The following SLC16A7 variants were observed in gnomAD, a reference collection of about 807,000 sequenced individuals.
The protein encoded by SLC16A7 is solute carrier family 16 member 7.
In SLC16A7, 33 loss-of-function variants were observed where a neutral mutation model predicts 34.9. The ratio of observed to expected loss-of-function variants is 0.94; its 90% CI spans 0.72 to 1.26. The LOEUF is 1.26. Ranked by LOEUF, SLC16A7 falls within the 50% of genes most tolerant of loss-of-function variation. The pLI is 0.00. For synonymous variants in SLC16A7, 201 were observed against 206.6 expected (o/e 0.97, Z 0.23); for missense variants, 573 against 578.1 (o/e 0.99, Z 0.09).
chr12:59,775,393 G>A lies in SLC16A7; in HGVS notation c.1098G>A (p.Val366=). Residue 366 remains valine, a synonymous_variant, in exon 5 of 6, where the codon GTG becomes GTA. Coordinates refer to ENST00000547379, the MANE Select transcript of SLC16A7 (RefSeq NM_001270623.2). ...TCTTTGAAACTCTCATGGACCTCGT[G>A]GGTGCACCAAGATTTTCCAGTGCCG... ...SVLFETLMDL[V]GAPRFSSAVG... 1 of 1,614,088 alleles carries A rather than the reference G, an allele frequency of 6.2e-7. No individual in the cohort carries two copies. Among genetic ancestry groups the A allele is most frequent in the Non-Finnish European group, 8.5e-7 (1 of 1,179,974 alleles).
chr12:59,705,367 G>A (rs541222428), intron 3 of SLC16A7, among the ~76,000 whole-genome samples: 1 of 152,072 alleles, frequency 6.6e-6, no homozygotes, highest in Non-Finnish European at 1.5e-5. Context: ...GCTACCTCTG[G>A]TAGAAATGCT....
intron 1 of SLC16A7, among the ~76,000 whole-genome samples, chr12:59,606,849 AATAT>A (rs201958936): frequency 6.8e-6 from 1 of 147,630 alleles, no homozygotes; most frequent in Admixed American, 6.7e-5. Flanking sequence ...TGTATGTGTG[AATAT>A]ATATATATGT....
intron 2 of SLC16A7, among the ~76,000 whole-genome samples, chr12:59,658,933 A>G (rs1261950440): frequency 6.6e-6 from 1 of 152,090 alleles, no homozygotes. Flanking sequence ...CTATAAAAAT[A>G]TGGTTAAAAT....
chr12:59,738,112 A>G (rs1256630171), intron 3 of SLC16A7, among the ~76,000 whole-genome samples: 1 of 152,170 alleles, frequency 6.6e-6, no homozygotes, highest in African/African-American at 2.4e-5. Context: ...TAAAAAATGT[A>G]TTCACATCAA....
intron 2 of SLC16A7, among the ~76,000 whole-genome samples, chr12:59,655,631 A>G (rs1326297703): frequency 6.6e-6 from 1 of 151,922 alleles, no homozygotes. Flanking sequence ...CTAGAGGTAT[A>G]TACTTTTAGT....
At position 59,779,611 on chromosome 12, in the gene SLC16A7, TCGGAAGATGTTAA is replaced by T; in HGVS notation, c.1372_1384del (p.Glu458SerfsTer9). ...TGAACCCTTGAGCAAATCTAAACATTCGGAAGATGTTAACGTCAAAGTTTCAAATGCACAGAGT... is the reference window on the plus strand; with the variant it reads ...TGAACCCTTGAGCAAATCTAAACATTCGTCAAAGTTTCAAATGCACAGAGT... On this transcript the variant is annotated frameshift_variant, in exon 6 of 6. Transcript: ENST00000547379. LOFTEE classifies it high-confidence loss of function. The T allele has an allele frequency of 6.2e-7, 1 of 1,611,254 alleles. No homozygotes were observed. Among genetic ancestry groups the T allele is most frequent in the Non-Finnish European group, 8.5e-7 (1 of 1,177,816 alleles).
In SLC16A7 at chr12:59,616,611, C is replaced by G. The variant is rs146165959; in HGVS notation, c.-130+20375C>G. On this transcript the variant is annotated intron_variant, in intron 1 of 5. Coordinates refer to ENST00000547379, the MANE Select transcript of SLC16A7 (RefSeq NM_001270623.2). ...CATCGCCTTAGGATTTTGCTTGACT[C>G]AATTCCTTAGTTATTCAAGTGTCTC... Among the ~76,000 whole-genome samples the G allele has an allele frequency of 2.1e-3, 325 of 152,206 alleles. 1 individual carries two copies. Among genetic ancestry groups the G allele is most frequent in the Middle Eastern group, 0.017 (5 of 294 alleles).
At chr12:59,668,222 C>T (rs1392041661) in intron 2 of SLC16A7, among the ~76,000 whole-genome samples, 1 of 152,136 alleles carries the variant, frequency 6.6e-6, no homozygotes, top group Non-Finnish European at 1.5e-5. Flanking sequence ...GGGCCACCAT[C>T]CTTCAGACTG....
intron 2 of SLC16A7, chr12:59,664,727 A>G (rs1385538352): frequency 6.6e-6 from 1 of 152,178 alleles, no homozygotes. Context: ...TTAGACTCTG[A>G]AAAGTATGAA....
rs1282378257 is a variant in SLC16A7 at position 59,783,850 on chromosome 12, GT to G, written c.*4175del. 1 of 151,754 alleles carries G rather than the reference GT, an allele frequency of 6.6e-6. No individual in the cohort carries two copies. The highest frequency in any genetic ancestry group is 2.4e-5 in the African/African-American group (1 of 41,276). 9.4% of individuals were successfully genotyped at this position (151,754 alleles called of 1,614,324 possible). On this transcript the variant is annotated 3_prime_UTR_variant, in exon 6 of 6. Coordinates refer to ENST00000547379, the MANE Select transcript of SLC16A7 (RefSeq NM_001270623.2). Reference sequence around the variant, plus strand: ...GGCTTTTTTTGTTTTGTTTTGTTTTGTTTTGTTTTAGTAGAGATGGGGTTTC... The same window carrying G: ...GGCTTTTTTTGTTTTGTTTTGTTTTGTTTGTTTTAGTAGAGATGGGGTTTC...
chr12:59,772,108 C>G (rs1882291498), intron 4 of SLC16A7, among the ~76,000 whole-genome samples: 1 of 151,992 alleles, frequency 6.6e-6, no homozygotes, highest in Non-Finnish European at 1.5e-5. Context: ...AATTGGACTT[C>G]AATATATAAA....
rs866196118 is a variant in SLC16A7, at chr12:59,764,745, G to C, written c.218-6474G>C. On this transcript the variant is annotated intron_variant, in intron 3 of 5. Transcript: ENST00000547379. ...TCCAGTCTATCATTGTTGGACATTT[G>C]GGTTGGTTCCAAGTCTTTGCTATTG... 1.1e-4 allele frequency among the ~76,000 whole-genome samples: 16 copies of C among 152,116 alleles called. No homozygotes were observed. In the Middle Eastern group the frequency reaches 0.014, roughly 129 times the overall value.
intron 3 of SLC16A7, among the ~76,000 whole-genome samples, chr12:59,741,859 G>A (rs1333862430): frequency 1.3e-5 from 2 of 152,122 alleles, no homozygotes; most frequent in African/African-American, 2.4e-5. Flanking sequence ...AATCCATCTG[G>A]GTCTGCAGCA....
intron 1 of SLC16A7, among the ~76,000 whole-genome samples, chr12:59,653,947 A>G (rs1868405127): frequency 6.6e-6 from 1 of 151,678 alleles, no homozygotes; most frequent in Non-Finnish European, 1.5e-5. Context: ...ATTACATCTC[A>G]AAGTTGATTA....
intron 2 of SLC16A7, among the ~76,000 whole-genome samples, chr12:59,691,208 A>G (rs1272397342): frequency 5.3e-5 from 8 of 152,046 alleles, no homozygotes; most frequent in Non-Finnish European, 1.0e-4. Context: ...GAAGCTGAGG[A>G]AAAATTAATA....
intron 1 of SLC16A7, among the ~76,000 whole-genome samples, chr12:59,633,074 T>C (rs995002202): frequency 6.6e-5 from 10 of 152,030 alleles, no homozygotes; most frequent in Non-Finnish European, 1.5e-5. Flanking sequence ...GGGGTGGATA[T>C]GACAAGATTT....
intron 3 of SLC16A7, chr12:59,720,018 T>C: frequency 1.0e-5 from 7 of 678,282 alleles, no homozygotes; most frequent in Admixed American, 2.3e-5. Flanking sequence ...TCTCATGTTT[T>C]TGTAAACTTT....
intron 1 of SLC16A7, among the ~76,000 whole-genome samples, chr12:59,646,612 A>G (rs1868253851): frequency 6.6e-6 from 1 of 152,156 alleles, no homozygotes; most frequent in South Asian, 2.1e-4. Context: ...CTCCCCACAG[A>G]GACCCCACAG....
intron 3 of SLC16A7, among the ~76,000 whole-genome samples, chr12:59,736,474 G>A (rs1877617473): frequency 6.6e-6 from 1 of 152,142 alleles, no homozygotes; most frequent in African/African-American, 2.4e-5. Flanking sequence ...CTTGTCTTGA[G>A]CTAATTTTCA....
Sources: gnomAD v4.1 joint callset for allele counts (sites outside exome capture counted in the v4.1 genomes callset) on GRCh38, gnomAD v4.1.1 for gene constraint, MANE v1.5 for transcripts, NCBI Gene and HGNC (gene_info 2026-07-23, HGNC 2026-07-21) for gene names.